The following CCDC158 variants were observed in gnomAD, a reference collection of about 807,000 sequenced individuals.
CCDC158 encodes the protein coiled-coil domain containing 158.
CCDC158 carries 116 observed loss-of-function variants against 138.6 expected under a neutral mutation model. That is an observed-to-expected ratio of 0.84 (90% CI 0.72 to 0.98). CCDC158 has a LOEUF of 0.98. CCDC158 is among the 50% of genes least tolerant of loss of function. The probability of loss-of-function intolerance (pLI) is 0.00; values close to 1 mark genes in which losing one functional copy is unlikely to be tolerated. For missense variants in CCDC158, 1,265 were observed against 1,306.1 expected, an observed-to-expected ratio of 0.97 and a Z score of 0.48; for synonymous variants, 436 against 442.4, an observed-to-expected ratio of 0.99 and a Z score of 0.18.
chr4:76,369,416 A>G lies in CCDC158; in HGVS notation c.1347+10T>C, dbSNP rs750938938. The G allele has an allele frequency of 6.0e-5, 97 of 1,613,394 alleles. No homozygotes were observed. The highest frequency in any genetic ancestry group is 4.6e-5 in the Non-Finnish European group (54 of 1,179,788). On this transcript the variant is annotated intron_variant, in intron 11 of 24. Transcript: ENST00000682701. Reference sequence around the variant, plus strand: ...TGTTTGGCGATGGCACAGCCTGTGCAGGCACTGACCTGCCGCTCCATCTGG... The same window carrying G: ...TGTTTGGCGATGGCACAGCCTGTGCGGGCACTGACCTGCCGCTCCATCTGG...
chr4:76,376,474 A>G (rs943440974), intron 9 of CCDC158, among the ~76,000 whole-genome samples: 1 of 152,244 alleles, frequency 6.6e-6, no homozygotes, highest in African/African-American at 2.4e-5. Flanking sequence ...CAGAGAAAAA[A>G]TAGATTTTAA....
chr4:76,377,667 CT>C (rs972111008), intron 9 of CCDC158, among the ~76,000 whole-genome samples: 46 of 152,156 alleles, frequency 3.0e-4, no homozygotes, highest in African/African-American at 1.1e-3. Context: ...AAAAAGCAGG[CT>C]TCAGAGAGGC....
At chr4:76,379,461 C>T in intron 8 of CCDC158, 57 bp from the exon 9 acceptor site, 1 of 981,122 alleles carries the variant, frequency 1.0e-6, no homozygotes. Flanking sequence ...ATAAGAGTAA[C>T]ACCTGAGTAT....
intron 9 of CCDC158, among the ~76,000 whole-genome samples, chr4:76,373,564 T>G (rs1198705810): frequency 1.3e-5 from 2 of 152,188 alleles, no homozygotes; most frequent in East Asian, 3.9e-4. Flanking sequence ...TTACTATTTA[T>G]TTTTAAAGAT....
At chr4:76,326,497 C>T (rs1348859367) in intron 22 of CCDC158, among the ~76,000 whole-genome samples, 1 of 152,066 alleles carries the variant, frequency 6.6e-6, no homozygotes. Context: ...GCTTATCAGG[C>T]ATAGACTTCC....
At chr4:76,380,837 T>G (rs1234250659) in intron 8 of CCDC158, among the ~76,000 whole-genome samples, 1 of 152,214 alleles carries the variant, frequency 6.6e-6, no homozygotes, top group Non-Finnish European at 1.5e-5. Flanking sequence ...GCCCTCTCTA[T>G]CGCTCTGTGC....
At chr4:76,355,688 G>A (rs758594101) in intron 14 of CCDC158, among the ~76,000 whole-genome samples, 1 of 151,720 alleles carries the variant, frequency 6.6e-6, no homozygotes, top group African/African-American at 2.4e-5. Flanking sequence ...TTTGCCACTG[G>A]GATTAATTTC....
intron 1 of CCDC158, among the ~76,000 whole-genome samples, chr4:76,420,694 T>A (rs1438430112): frequency 6.6e-6 from 1 of 152,136 alleles, no homozygotes; most frequent in Non-Finnish European, 1.5e-5. Flanking sequence ...TACTCGGTGA[T>A]TCTCTTCCCC....
intron 3 of CCDC158, among the ~76,000 whole-genome samples, chr4:76,397,895 A>T (rs536718166): frequency 4.4e-4 from 67 of 152,312 alleles, no homozygotes; most frequent in African/African-American, 1.5e-3. Flanking sequence ...CTAGCAAGAT[A>T]GTTGAATCCA....
At chr4:76,375,098 T>C (rs1490723844) in intron 9 of CCDC158, 2 of 153,544 alleles carry the variant, frequency 1.3e-5, no homozygotes, top group African/African-American at 4.8e-5. Context: ...GCAGCTGAGT[T>C]GATATAAACA....
At chr4:76,387,821 T>TAAAA (rs57778797) in intron 4 of CCDC158, among the ~76,000 whole-genome samples, 2,461 of 103,956 alleles carry the variant, frequency 0.024, 107 homozygotes, top group African/African-American at 0.09. Flanking sequence ...AGACTACAAC[T>TAAAA]AAAAAAAAAA....
At chr4:76,411,010 C>T (rs183335082) in intron 2 of CCDC158, among the ~76,000 whole-genome samples, 7 of 152,324 alleles carry the variant, frequency 4.6e-5, no homozygotes, top group African/African-American at 9.6e-5. Context: ...AGATAACTCA[C>T]GTGCAGGCCT....
chr4:76,370,390 G>A (rs7686635), intron 10 of CCDC158, among the ~76,000 whole-genome samples: 4,468 of 152,256 alleles, frequency 0.029, 221 homozygotes, highest in African/African-American at 0.1. Context: ...CACTGGGTCC[G>A]GGTAGAGAGA....
chr4:76,401,914 G>A (rs1728424531), intron 3 of CCDC158, among the ~76,000 whole-genome samples: 1 of 152,048 alleles, frequency 6.6e-6, no homozygotes, highest in Non-Finnish European at 1.5e-5. Flanking sequence ...AGATGGGTGT[G>A]GTAAGGTGGA....
At chr4:76,319,133 G>A (rs558383178) in intron 24 of CCDC158, among the ~76,000 whole-genome samples, 18 of 152,136 alleles carry the variant, frequency 1.2e-4, no homozygotes, top group East Asian at 9.7e-4. Flanking sequence ...TTAGCCAGGC[G>A]TGCTGGTGGG....
At chr4:76,350,560 T>G (rs1204936333) in intron 18 of CCDC158, among the ~76,000 whole-genome samples, 1 of 152,182 alleles carries the variant, frequency 6.6e-6, no homozygotes, top group Non-Finnish European at 1.5e-5. Flanking sequence ...CTAAAAAATT[T>G]CCAAAGTTTC....
chr4:76,383,528 A>G (rs1726477929), intron 7 of CCDC158, 134 bp downstream of exon 7: 1 of 631,674 alleles, frequency 1.6e-6, no homozygotes, highest in African/African-American at 1.8e-5. Context: ...CAAAATGTTA[A>G]CATGAGTTTC....
intron 14 of CCDC158, among the ~76,000 whole-genome samples, chr4:76,356,095 C>T (rs1398672686): frequency 6.6e-6 from 1 of 151,854 alleles, no homozygotes; most frequent in Admixed American, 6.6e-5. Flanking sequence ...TTGAAAATGC[C>T]ACAGCTTTGA....
chr4:76,408,076 A>T (rs12508687), intron 2 of CCDC158, among the ~76,000 whole-genome samples: 34 of 151,542 alleles, frequency 2.2e-4, no homozygotes, highest in Admixed American at 1.6e-3. Flanking sequence ...TAATTAAAAA[A>T]TTTTATTATT....
Sources: gnomAD v4.1 joint callset for allele counts (sites outside exome capture counted in the v4.1 genomes callset) on GRCh38, gnomAD v4.1.1 for gene constraint, MANE v1.5 for transcripts, NCBI Gene and HGNC (gene_info 2026-07-23, HGNC 2026-07-21) for gene names.